DCLK1: variants seen among roughly 807,000 people sequenced by gnomAD.
DCLK1 encodes doublecortin like kinase 1.
DCLK1 carries 16 observed loss-of-function variants against 86.2 expected under a neutral mutation model. The ratio of observed to expected loss-of-function variants is 0.19; its 90% CI spans 0.13 to 0.28. The LOEUF is 0.28. Among genes scored for constraint, DCLK1 ranks in the 10% least tolerant of loss-of-function variants. DCLK1 has a pLI of 1.00. For synonymous variants in DCLK1, 369 were observed against 370.5 expected (o/e 1.00, Z 0.05); for missense variants, 590 against 940.2 (o/e 0.63, Z 4.87).
chr13:36,039,037 C>T (rs1023768057), intron 3 of DCLK1, among the ~76,000 whole-genome samples: 2 of 152,168 alleles, frequency 1.3e-5, no homozygotes, highest in African/African-American at 4.8e-5. Flanking sequence ...ATTCGTCAGG[C>T]GCCTACCAAT....
chr13:35,857,900 G>A (rs1337908848), intron 5 of DCLK1, among the ~76,000 whole-genome samples: 1 of 152,234 alleles, frequency 6.6e-6, no homozygotes, highest in East Asian at 1.9e-4. Flanking sequence ...CAAGTATGTG[G>A]GGTTGGAGGC....
chr13:36,054,729 T>C (rs1382545406), intron 3 of DCLK1, among the ~76,000 whole-genome samples: 4 of 152,130 alleles, frequency 2.6e-5, no homozygotes, highest in African/African-American at 7.2e-5. Context: ...CTGCTTGCTA[T>C]GGTTATGTCT....
At chr13:35,905,722 G>C (rs1216683011) in intron 4 of DCLK1, among the ~76,000 whole-genome samples, 1 of 152,136 alleles carries the variant, frequency 6.6e-6, no homozygotes, top group Non-Finnish European at 1.5e-5. Flanking sequence ...AAGGCGGGTG[G>C]ATCACTTGAG....
At chr13:36,023,074 G>A (rs2153151065) in intron 3 of DCLK1, among the ~76,000 whole-genome samples, 1 of 152,316 alleles carries the variant, frequency 6.6e-6, no homozygotes, top group Non-Finnish European at 1.5e-5. Flanking sequence ...TTATTTCCAT[G>A]AATGCAGGAT....
chr13:35,944,110 C>A (rs1877238169), intron 4 of DCLK1, among the ~76,000 whole-genome samples: 1 of 152,216 alleles, frequency 6.6e-6, no homozygotes, highest in Non-Finnish European at 1.5e-5. Context: ...ATTAATCTGG[C>A]TCCAATGTGG....
intron 8 of DCLK1, among the ~76,000 whole-genome samples, chr13:35,835,111 C>CT (rs1869261141): frequency 6.6e-6 from 1 of 152,170 alleles, no homozygotes; most frequent in African/African-American, 2.4e-5. Context: ...CCAAAGCCTT[C>CT]TCATCTGTCT....
chr13:35,827,807 T>A (rs989769622), intron 9 of DCLK1, 53 bp from the exon 10 acceptor site: 16 of 1,603,702 alleles, frequency 1.0e-5, no homozygotes, highest in Non-Finnish European at 1.4e-5. Context: ...TGTGGAGGGC[T>A]AACTCAAATG....
intron 3 of DCLK1, among the ~76,000 whole-genome samples, chr13:36,088,356 C>T (rs917020924): frequency 2.0e-5 from 3 of 152,164 alleles, no homozygotes; most frequent in East Asian, 1.9e-4. Flanking sequence ...GTGAGCTGCC[C>T]GCTTTCAGTG....
At chr13:35,843,091 A>G (rs1012549973) in intron 6 of DCLK1, among the ~76,000 whole-genome samples, 1 of 152,000 alleles carries the variant, frequency 6.6e-6, no homozygotes, top group Non-Finnish European at 1.5e-5. Context: ...GCCCACCTAT[A>G]TTTTTTCATT....
intron 4 of DCLK1, among the ~76,000 whole-genome samples, chr13:35,895,989 C>T (rs933240395): frequency 1.3e-5 from 2 of 151,746 alleles, no homozygotes; most frequent in African/African-American, 4.8e-5. Flanking sequence ...ACAAAAATTG[C>T]TATTTTTCTC....
intron 4 of DCLK1, among the ~76,000 whole-genome samples, chr13:35,940,879 G>T (rs1877044857): frequency 6.6e-6 from 1 of 152,110 alleles, no homozygotes; most frequent in Non-Finnish European, 1.5e-5. Context: ...CACAAATGAA[G>T]CTACATGGCT....
chr13:35,968,445 C>A (rs914112981), intron 3 of DCLK1, among the ~76,000 whole-genome samples: 1 of 152,182 alleles, frequency 6.6e-6, no homozygotes, highest in Non-Finnish European at 1.5e-5. Context: ...CTGACACTTC[C>A]TCCAGCAGAA....
chr13:36,011,690 A>G (rs916052581), intron 3 of DCLK1, among the ~76,000 whole-genome samples: 1 of 151,992 alleles, frequency 6.6e-6, no homozygotes, highest in African/African-American at 2.4e-5. Context: ...GTGCTGAAAA[A>G]AATGTATATT....
intron 3 of DCLK1, among the ~76,000 whole-genome samples, chr13:36,051,187 G>T (rs991183539): frequency 6.6e-6 from 1 of 152,086 alleles, no homozygotes; most frequent in Non-Finnish European, 1.5e-5. Flanking sequence ...ACATTTTTCT[G>T]ATCTCCCCTT....
At position 35,819,419 on chromosome 13, in the gene DCLK1, C is replaced by A. The variant is rs181958988; in HGVS notation, c.1554+3310G>T. Among the ~76,000 whole-genome samples, 629 of 152,198 alleles carry A rather than the reference C, an allele frequency of 4.1e-3. 3 individuals are homozygous for A. The highest frequency in any genetic ancestry group is 0.014 in the African/African-American group (602 of 41,552). On this transcript the variant is annotated intron_variant, in intron 11 of 16. Coordinates refer to ENST00000360631, the MANE Select transcript of DCLK1 (RefSeq NM_001330071.2). ...TTCTATAAGAATTAAAAATAAAAAA[C>A]GCTAAAAGTTCTACATACACAATTA...
intron 7 of DCLK1, among the ~76,000 whole-genome samples, chr13:35,837,146 TTAGTA>T (rs1869442648): frequency 6.6e-6 from 1 of 152,242 alleles, no homozygotes; most frequent in South Asian, 2.1e-4. Flanking sequence ...ATGGGCTTTC[TTAGTA>T]GTTTTTGTAT....
At chr13:35,818,178 T>C (rs1001026812) in intron 11 of DCLK1, among the ~76,000 whole-genome samples, 11 of 152,174 alleles carry the variant, frequency 7.2e-5, no homozygotes, top group African/African-American at 9.6e-5. Context: ...TTTTTGTCCA[T>C]GACCTCTAGA....
In DCLK1 at chr13:35,774,265, T is replaced by C. The variant is rs575568336; in HGVS notation, c.*270A>G. On this transcript the variant is annotated 3_prime_UTR_variant, in exon 17 of 17. Coordinates refer to ENST00000360631, the MANE Select transcript of DCLK1 (RefSeq NM_001330071.2). ...GATCCTAGCTTGACTGATGAAAACATTCATTGCTTCTAAGTTTAAAAAAAA... is the reference window on the plus strand; with the variant it reads ...GATCCTAGCTTGACTGATGAAAACACTCATTGCTTCTAAGTTTAAAAAAAA... 5.2e-6 allele frequency: 2 copies of C among 384,214 alleles called. No individual in the cohort carries two copies. Among genetic ancestry groups the C allele is most frequent in the Admixed American group, 3.9e-5 (1 of 25,954 alleles). 23.8% of individuals were successfully genotyped at this position (384,214 alleles called of 1,614,324 possible).
chr13:35,933,307 C>T (rs376762585), intron 4 of DCLK1, among the ~76,000 whole-genome samples: 8 of 152,162 alleles, frequency 5.3e-5, no homozygotes, highest in Non-Finnish European at 8.8e-5. Context: ...TGCAAGCTGT[C>T]GGCAGATCTA....
Sources: allele counts gnomAD v4.1 joint callset (sites outside exome capture counted in the v4.1 genomes callset), GRCh38; gene constraint gnomAD v4.1.1; transcripts MANE v1.5; gene names NCBI Gene and HGNC (gene_info 2026-07-23, HGNC 2026-07-21).